Variants in AKT3 observed in about 807,000 individuals in gnomAD.
AKT3 encodes the protein AKT serine/threonine kinase 3, also known as RAC-gamma serine/threonine-protein kinase.
Under a neutral mutation model 65.3 loss-of-function variants are expected in AKT3, and 15 were observed. The observed-to-expected ratio is 0.23, with a 90% CI of 0.15 to 0.35. The LOEUF (loss-of-function observed/expected upper bound fraction) is 0.35. AKT3 is among the 10% of genes least tolerant of loss of function. The pLI is 1.00. For missense variants in AKT3, 243 were observed against 576.5 expected (o/e 0.42, Z 5.92); for synonymous variants, 206 against 183.8 (o/e 1.12, Z -0.98).
At chr1:243,773,116 A>C (rs1413345456) in intron 2 of AKT3, among the ~76,000 whole-genome samples, 1 of 151,468 alleles carries the variant, frequency 6.6e-6, no homozygotes, top group East Asian at 1.9e-4. Flanking sequence ...CAGCACACCA[A>C]CATGGCACAT....
At chr1:243,708,262 T>A (rs1232963525) in intron 2 of AKT3, among the ~76,000 whole-genome samples, 7 of 151,896 alleles carry the variant, frequency 4.6e-5, no homozygotes, top group Non-Finnish European at 1.5e-5. Flanking sequence ...ATCAAAGAAA[T>A]GCAACCACAA....
At chr1:243,639,968 C>T (rs1397361742) in intron 5 of AKT3, among the ~76,000 whole-genome samples, 1 of 152,112 alleles carries the variant, frequency 6.6e-6, no homozygotes, top group African/African-American at 2.4e-5. Flanking sequence ...AAAACTACAT[C>T]CCAATATCTC....
Position 243,502,138 on chromosome 1 carries a change from G to C in AKT3, c.*3111C>G, listed in dbSNP as rs1669355902. 4.3e-6 allele frequency: 1 copy of C among 231,778 alleles called. No homozygotes were observed. The highest frequency in any genetic ancestry group is 6.1e-5 in the East Asian group (1 of 16,276). The allele number at this position is 231,778 out of a possible 1,614,324, so 14.4% of individuals were successfully genotyped here. ...TTTAAATAAATACTTTACATTTCAT[G>C]CTTGCCTGTAATGCACTACCAGGAG... On this transcript the variant is annotated 3_prime_UTR_variant, in exon 14 of 14. Transcript: ENST00000673466.
rs1413286727 is a variant in AKT3 at position 243,651,639 on chromosome 1, CTAT to C, written c.285-5605_285-5603del. Among the ~76,000 whole-genome samples the C allele has an allele frequency of 5.3e-5, 8 of 152,274 alleles. No homozygotes were observed. The East Asian group carries it at 1.5e-3, about 29-fold the overall frequency. The stretch of plus-strand genomic sequence containing the variant: ...GTTTTGTTGAAAGCCTTTTCTGCAT[CTAT>C]TGAGATAATCATGTGGTTTTTGTCA... On this transcript the variant is annotated intron_variant, in intron 4 of 13. Coordinates refer to ENST00000673466, the MANE Select transcript of AKT3 (RefSeq NM_005465.7).
intron 12 of AKT3, 31 bp from the exon 13 acceptor site, chr1:243,512,457 A>C: frequency 7.5e-7 from 1 of 1,336,740 alleles, no homozygotes. Context: ...AGTTTTATTA[A>C]CTGATTTCAA....
intron 12 of AKT3, among the ~76,000 whole-genome samples, chr1:243,520,122 A>C (rs1397984059): frequency 6.6e-6 from 1 of 152,230 alleles, no homozygotes; most frequent in Admixed American, 6.5e-5. Context: ...CAAGTACCTC[A>C]GAATGTGACT....
At chr1:243,679,806 T>C (rs1200883846) in intron 3 of AKT3, among the ~76,000 whole-genome samples, 1 of 152,044 alleles carries the variant, frequency 6.6e-6, no homozygotes, top group Non-Finnish European at 1.5e-5. Flanking sequence ...TAAAGACCCA[T>C]CAATAGGTAA....
intron 12 of AKT3, among the ~76,000 whole-genome samples, chr1:243,543,877 G>C (rs1446766386): frequency 6.6e-6 from 1 of 152,090 alleles, no homozygotes; most frequent in African/African-American, 2.4e-5. Context: ...TAAATTCCTA[G>C]TTACAAGAAA....
chr1:243,627,218 A>T (rs1332707541), intron 6 of AKT3, among the ~76,000 whole-genome samples: 2 of 152,052 alleles, frequency 1.3e-5, no homozygotes, highest in Non-Finnish European at 2.9e-5. Flanking sequence ...ACTCAGCCAG[A>T]CATAGTGGCT....
chr1:243,558,150 A>G (rs1015211699), intron 10 of AKT3, among the ~76,000 whole-genome samples: 2 of 152,122 alleles, frequency 1.3e-5, no homozygotes, highest in African/African-American at 4.8e-5. Flanking sequence ...GATTTAAAAT[A>G]AAGAAAATTC....
chr1:243,598,951 T>C (rs1676820737), intron 8 of AKT3, among the ~76,000 whole-genome samples: 1 of 152,212 alleles, frequency 6.6e-6, no homozygotes, highest in Non-Finnish European at 1.5e-5. Context: ...ATACCTGTTC[T>C]TGAAGATTTA....
chr1:243,510,653 C>T (rs914937294), intron 13 of AKT3, among the ~76,000 whole-genome samples: 1 of 152,126 alleles, frequency 6.6e-6, no homozygotes, highest in Non-Finnish European at 1.5e-5. Flanking sequence ...GTGGCATGTT[C>T]GAGGTGTGGC....
chr1:243,840,922 A>T (rs1695202667), intron 2 of AKT3, among the ~76,000 whole-genome samples: 2 of 152,146 alleles, frequency 1.3e-5, no homozygotes, highest in Non-Finnish European at 1.5e-5. Flanking sequence ...AGTATATTAT[A>T]TAAAAAACTG....
At chr1:243,536,122 T>C (rs1486292149) in intron 12 of AKT3, among the ~76,000 whole-genome samples, 1 of 152,188 alleles carries the variant, frequency 6.6e-6, no homozygotes, top group African/African-American at 2.4e-5. Flanking sequence ...TTCTGGGTAT[T>C]AGCCCTTTTT....
intron 11 of AKT3, among the ~76,000 whole-genome samples, chr1:243,550,751 C>T (rs1445818219): frequency 2.9e-5 from 4 of 136,602 alleles, no homozygotes; most frequent in South Asian, 2.4e-4. Context: ...GGAGACCATC[C>T]TGGCCAACAT....
At chr1:243,658,890 C>A (rs11582242) in intron 4 of AKT3, among the ~76,000 whole-genome samples, 114,270 of 146,698 alleles carry the variant, frequency 0.78, 45,566 homozygotes, top group Non-Finnish European at 0.87. Context: ...AAAAAATTAA[C>A]TTAGTTGCGT....
intron 4 of AKT3, among the ~76,000 whole-genome samples, chr1:243,660,118 T>C (rs1682179210): frequency 6.6e-6 from 1 of 151,942 alleles, no homozygotes; most frequent in African/African-American, 2.4e-5. Flanking sequence ...CCTGGACTCT[T>C]TTTCGTTGGT....
At chr1:243,747,094 AACAAAAATCT>A (rs1688514275) in intron 2 of AKT3, among the ~76,000 whole-genome samples, 1 of 152,234 alleles carries the variant, frequency 6.6e-6, no homozygotes, top group Admixed American at 6.5e-5. Context: ...ATTTCAAGCA[AACAAAAATCT>A]ACATTTATTC....
At chr1:243,682,153 A>G (rs933914037) in intron 3 of AKT3, among the ~76,000 whole-genome samples, 1 of 152,134 alleles carries the variant, frequency 6.6e-6, no homozygotes. Context: ...ATTCAACTTA[A>G]CCAAAATAAT....
Sources: gnomAD v4.1 joint callset for allele counts (sites outside exome capture counted in the v4.1 genomes callset) on GRCh38, gnomAD v4.1.1 for gene constraint, MANE v1.5 for transcripts, NCBI Gene and HGNC (gene_info 2026-07-23, HGNC 2026-07-21) for gene names.